DENND1B: variants seen among roughly 807,000 people sequenced by gnomAD.
DENND1B encodes DENN domain containing 1B.
In DENND1B, 59 loss-of-function variants were observed where a neutral mutation model predicts 90.1. The ratio of observed to expected loss-of-function variants is 0.65; its 90% CI spans 0.53 to 0.81. DENND1B has a LOEUF of 0.81. Ranked by LOEUF, DENND1B falls within the 40% of genes least tolerant of loss-of-function variation. The probability of loss-of-function intolerance (pLI) is 0.00; values close to 1 mark genes in which losing one functional copy is unlikely to be tolerated. For missense variants in DENND1B, 862 were observed against 912.6 expected (o/e 0.94, Z 0.71); for synonymous variants, 337 against 324.6 (o/e 1.04, Z -0.41).
chr1:197,770,761 TAA>T (rs1337300928), intron 2 of DENND1B, among the ~76,000 whole-genome samples: 7 of 141,628 alleles, frequency 4.9e-5, no homozygotes, highest in Non-Finnish European at 1.1e-4. Context: ...TAAATATATA[TAA>T]ATATATATCT....
rs556026191 is a variant in DENND1B, at chr1:197,676,683, G to A, written c.127-2514C>T. ...AATAGGAATAATAAAAAGAATGGAT[G>A]GAATAGAATACAAAATTATGAACAG... is the stretch of plus-strand genomic sequence containing the variant. On this transcript the variant is annotated intron_variant, in intron 3 of 22. Transcript: ENST00000620048. Among the ~76,000 whole-genome samples, 29 of 152,114 alleles carry A rather than the reference G, an allele frequency of 1.9e-4. No homozygotes were observed. In the East Asian group the frequency reaches 5.6e-3, roughly 29 times the overall value.
At chr1:197,727,156 C>A (rs1387118355) in intron 2 of DENND1B, among the ~76,000 whole-genome samples, 1 of 152,128 alleles carries the variant, frequency 6.6e-6, no homozygotes, top group Non-Finnish European at 1.5e-5. Context: ...CAAAAAGAAT[C>A]ATTTCCTTGA....
At chr1:197,571,618 C>T (rs2125734697) in intron 15 of DENND1B, among the ~76,000 whole-genome samples, 1 of 152,116 alleles carries the variant, frequency 6.6e-6, no homozygotes, top group East Asian at 1.9e-4. Flanking sequence ...TGATATTTTT[C>T]TTATTTGCTG....
At chr1:197,705,996 T>C (rs1271568018) in intron 3 of DENND1B, among the ~76,000 whole-genome samples, 1 of 1,360 alleles carries the variant, frequency 7.4e-4, no homozygotes, top group Non-Finnish European at 1.0e-3. Context: ...TTTTTGAGTG[T>C]AATTTCTAAG....
At chr1:197,561,856 T>C (rs1028747674) in intron 15 of DENND1B, among the ~76,000 whole-genome samples, 1 of 151,870 alleles carries the variant, frequency 6.6e-6, no homozygotes, top group African/African-American at 2.4e-5. Context: ...TTGGCTTTAT[T>C]TATAAAATAA....
At chr1:197,639,029 T>A (rs1680043232) in intron 10 of DENND1B, among the ~76,000 whole-genome samples, 2 of 151,986 alleles carry the variant, frequency 1.3e-5, no homozygotes, top group Admixed American at 6.6e-5. Context: ...TTACATATCT[T>A]AATTTTTTTA....
chr1:197,652,188 G>T, intron 7 of DENND1B, 47 bp downstream of exon 7: 2 of 1,530,674 alleles, frequency 1.3e-6, no homozygotes, highest in South Asian at 1.2e-5. Context: ...TAACGAAATT[G>T]AGACATAGCT....
At chr1:197,719,854 A>G (rs1423805921) in intron 2 of DENND1B, among the ~76,000 whole-genome samples, 2 of 152,236 alleles carry the variant, frequency 1.3e-5, no homozygotes. Context: ...AATGTATTTT[A>G]AAACAGCATA....
intron 3 of DENND1B, among the ~76,000 whole-genome samples, chr1:197,676,372 G>A: frequency 6.6e-6 from 1 of 151,952 alleles, no homozygotes; most frequent in Non-Finnish European, 1.5e-5. Flanking sequence ...TATTACAAAA[G>A]TGTGTGTGAA....
At chr1:197,583,639 T>C (rs986676983) in intron 14 of DENND1B, among the ~76,000 whole-genome samples, 4 of 152,212 alleles carry the variant, frequency 2.6e-5, no homozygotes, top group African/African-American at 9.6e-5. Context: ...TGCATGATAT[T>C]TGACATTCGC....
chr1:197,547,276 T>C (rs987294902), intron 16 of DENND1B, among the ~76,000 whole-genome samples: 22 of 151,974 alleles, frequency 1.4e-4, no homozygotes, highest in African/African-American at 4.3e-4. Context: ...TCTTTTTTTT[T>C]TTTTTAAAGT....
rs541254898 is a variant in DENND1B at position 197,640,934 on chromosome 1, C to T, written c.672+1777G>A. Among the ~76,000 whole-genome samples, 5 of 152,244 alleles carry T rather than the reference C, an allele frequency of 3.3e-5. No homozygotes were observed. In the East Asian group the frequency reaches 9.7e-4, roughly 29 times the overall value. ...CCAGCCTGGGCAACATAGCAAGACCCTGTCTCAAAAAAACAAACAAACAAA... is the reference window on the plus strand; with the variant it reads ...CCAGCCTGGGCAACATAGCAAGACCTTGTCTCAAAAAAACAAACAAACAAA... On this transcript the variant is annotated intron_variant, in intron 10 of 22. Coordinates refer to ENST00000620048, the MANE Select transcript of DENND1B (RefSeq NM_001195215.2).
At chr1:197,566,803 A>T (rs182561717) in intron 15 of DENND1B, among the ~76,000 whole-genome samples, 1 of 152,188 alleles carries the variant, frequency 6.6e-6, no homozygotes, top group East Asian at 1.9e-4. Flanking sequence ...GAGGTAAAAA[A>T]AAAAAATTCC....
At chr1:197,609,989 T>C (rs887318425) in intron 12 of DENND1B, among the ~76,000 whole-genome samples, 3 of 150,622 alleles carry the variant, frequency 2.0e-5, no homozygotes, top group African/African-American at 7.3e-5. Flanking sequence ...CGCCTAATAG[T>C]GGCATAACAA....
At chr1:197,743,757 A>G (rs1040343417) in intron 2 of DENND1B, among the ~76,000 whole-genome samples, 2 of 152,230 alleles carry the variant, frequency 1.3e-5, no homozygotes, top group South Asian at 4.1e-4. Flanking sequence ...CTGAGGCAGT[A>G]GGACTGCTTG....
At chr1:197,724,868 G>A (rs937634867) in intron 2 of DENND1B, among the ~76,000 whole-genome samples, 2 of 151,896 alleles carry the variant, frequency 1.3e-5, no homozygotes, top group African/African-American at 4.8e-5. Flanking sequence ...TAAAACTGAA[G>A]ACAGAAATAG....
At chr1:197,524,562 AG>A (rs1369793842) in intron 20 of DENND1B, among the ~76,000 whole-genome samples, 1 of 152,148 alleles carries the variant, frequency 6.6e-6, no homozygotes, top group Non-Finnish European at 1.5e-5. Context: ...GGATGTAAAA[AG>A]GAAGAGTAAA....
intron 5 of DENND1B, among the ~76,000 whole-genome samples, chr1:197,670,350 G>A (rs1014771715): frequency 2.7e-5 from 3 of 112,474 alleles, no homozygotes; most frequent in Non-Finnish European, 5.8e-5. Context: ...GAGGCAGTGA[G>A]GTAAGCTATA....
At chr1:197,525,731 A>G (rs557938662) in intron 20 of DENND1B, among the ~76,000 whole-genome samples, 1 of 152,250 alleles carries the variant, frequency 6.6e-6, no homozygotes, top group South Asian at 2.1e-4. Flanking sequence ...ATTAATATAT[A>G]ATGAACATAA....
Sources: allele counts gnomAD v4.1 joint callset (sites outside exome capture counted in the v4.1 genomes callset), GRCh38; gene constraint gnomAD v4.1.1; transcripts MANE v1.5; gene names NCBI Gene and HGNC (gene_info 2026-07-23, HGNC 2026-07-21).